The following SMARCC1 variants were observed in gnomAD, a reference collection of about 807,000 sequenced individuals.
SMARCC1 encodes SWI/SNF related BAF chromatin remodeling complex subunit C1.
A neutral mutation model predicts 147.4 loss-of-function variants in SMARCC1; 43 were observed. The ratio of observed to expected loss-of-function variants is 0.29; its 90% CI spans 0.23 to 0.38. SMARCC1 has a LOEUF of 0.38. SMARCC1 is among the 10% of genes least tolerant of loss of function. The probability of loss-of-function intolerance (pLI) is 1.00; values close to 1 mark genes in which losing one functional copy is unlikely to be tolerated. For synonymous variants in SMARCC1, 495 were observed against 484.4 expected, an observed-to-expected ratio of 1.02 and a Z score of -0.29; for missense variants, 1,119 against 1,381.1, an observed-to-expected ratio of 0.81 and a Z score of 3.01.
At chr3:47,635,138 A>G (rs2032951100) in intron 24 of SMARCC1, 52 bp downstream of exon 24, 1 of 1,514,180 alleles carries the variant, frequency 6.6e-7, no homozygotes, top group Admixed American at 1.9e-5. Context: ...TAAAAACAAT[A>G]CGACCATTCA....
intron 2 of SMARCC1, among the ~76,000 whole-genome samples, chr3:47,755,549 A>C (rs2034686139): frequency 6.6e-6 from 1 of 151,346 alleles, no homozygotes; most frequent in African/African-American, 2.4e-5. Context: ...TAAAAAAAAA[A>C]AGAATTATAA....
At chr3:47,762,632 T>C (rs929428117) in intron 2 of SMARCC1, among the ~76,000 whole-genome samples, 3 of 152,200 alleles carry the variant, frequency 2.0e-5, no homozygotes, top group African/African-American at 2.4e-5. Flanking sequence ...TTAGAAAATG[T>C]TGAATGAGGC....
At chr3:47,598,949 G>C (rs1024911492) in intron 26 of SMARCC1, among the ~76,000 whole-genome samples, 9 of 151,874 alleles carry the variant, frequency 5.9e-5, no homozygotes, top group African/African-American at 1.9e-4. Context: ...AGACGTGGCC[G>C]TAAGACAAGG....
intron 2 of SMARCC1, among the ~76,000 whole-genome samples, chr3:47,768,433 T>C (rs2034866569): frequency 6.6e-6 from 1 of 152,128 alleles, no homozygotes; most frequent in Non-Finnish European, 1.5e-5. Flanking sequence ...AATGGTTTAG[T>C]TCCCAGGAGT....
At chr3:47,633,541 C>T (rs1024699883) in intron 24 of SMARCC1, among the ~76,000 whole-genome samples, 2 of 151,282 alleles carry the variant, frequency 1.3e-5, no homozygotes, top group Non-Finnish European at 2.9e-5. Flanking sequence ...GTCAGGAGTT[C>T]AAGACCAGCC....
At chr3:47,773,770 C>CAG (rs1039455197) in intron 1 of SMARCC1, among the ~76,000 whole-genome samples, 7 of 151,890 alleles carry the variant, frequency 4.6e-5, no homozygotes, top group African/African-American at 1.7e-4. Flanking sequence ...GCTGGGACTA[C>CAG]AGGCGCGCAA....
chr3:47,633,777 TATACACACACACACACACACACAC>T (rs1389953968), intron 24 of SMARCC1, among the ~76,000 whole-genome samples: 14 of 46,518 alleles, frequency 3.0e-4, no homozygotes, highest in Admixed American at 1.0e-3. Flanking sequence ...TATATATATA[TATACACACACACACACACACACAC>T]ACACACACAC....
intron 1 of SMARCC1, among the ~76,000 whole-genome samples, chr3:47,775,125 A>G (rs2034958978): frequency 1.3e-5 from 2 of 151,444 alleles, no homozygotes; most frequent in South Asian, 4.2e-4. Context: ...TCAAGTGAAA[A>G]TTTGAAGTCA....
At chr3:47,731,182 C>T (rs537057345) in intron 5 of SMARCC1, among the ~76,000 whole-genome samples, 1 of 152,294 alleles carries the variant, frequency 6.6e-6, no homozygotes, top group Non-Finnish European at 1.5e-5. Context: ...CTCATTTCAA[C>T]GTTAACAGCG....
intron 2 of SMARCC1, among the ~76,000 whole-genome samples, chr3:47,767,245 C>CT (rs1354572113): frequency 4.3e-4 from 52 of 120,920 alleles, no homozygotes; most frequent in East Asian, 2.3e-3. Flanking sequence ...TCCTTTTTCT[C>CT]TTTTTTTTTT....
chr3:47,653,895 G>A (rs1236697121), intron 21 of SMARCC1, among the ~76,000 whole-genome samples: 1 of 152,156 alleles, frequency 6.6e-6, no homozygotes, highest in Non-Finnish European at 1.5e-5. Context: ...TCAAAGGTCA[G>A]CCCTTGTAGT....
At chr3:47,689,027 T>TA (rs916041100) in intron 13 of SMARCC1, among the ~76,000 whole-genome samples, 2 of 151,654 alleles carry the variant, frequency 1.3e-5, no homozygotes, top group African/African-American at 4.8e-5. Context: ...CTGGGCAACA[T>TA]AAAAAACTCC....
In SMARCC1 at chr3:47,736,016, A is replaced by G. The variant is rs1359995367; in HGVS notation, c.576+18T>C. The G allele has an allele frequency of 8.3e-7, 1 of 1,207,762 alleles. No individual in the cohort carries two copies. Among genetic ancestry groups the G allele is most frequent in the South Asian group, 1.4e-5 (1 of 72,856 alleles). The allele number at this position is 1,207,762 out of a possible 1,614,324, so 74.8% of individuals were successfully genotyped here. A position where few individuals can be genotyped will look rare whatever the true frequency, so the allele number is the denominator to read the frequency against. The stretch of plus-strand genomic sequence containing the variant: ...AGTGATCGTGTCTATTATTATCTGA[A>G]GTGATTGTGTCTATTACCTGATGTC... On this transcript the variant is annotated intron_variant, in intron 5 of 27. Transcript: ENST00000254480.
chr3:47,656,030 C>T (rs1472854047), intron 21 of SMARCC1, among the ~76,000 whole-genome samples: 4 of 151,952 alleles, frequency 2.6e-5, no homozygotes, highest in Non-Finnish European at 5.9e-5. Flanking sequence ...GGCCAATATG[C>T]TAAATTCCCA....
intron 25 of SMARCC1, among the ~76,000 whole-genome samples, chr3:47,616,380 G>C (rs1393454850): frequency 6.6e-6 from 1 of 151,898 alleles, no homozygotes; most frequent in Non-Finnish European, 1.5e-5. Context: ...TAATATTAAT[G>C]CTTTAAAATA....
chr3:47,717,769 G>A (rs1246249936), intron 7 of SMARCC1, among the ~76,000 whole-genome samples: 2 of 151,892 alleles, frequency 1.3e-5, no homozygotes, highest in Admixed American at 6.6e-5. Flanking sequence ...GTTTCACCAC[G>A]TTGCCCAAGG....
At position 47,653,750 on chromosome 3, in the gene SMARCC1, G is replaced by T. The variant is rs377464559; in HGVS notation, c.2320+7544C>A. The stretch of plus-strand genomic sequence containing the variant: ...ACTCATTTGAAATATTTATGTTATG[G>T]TCTGTTTTCCTTACCCTTATTATAA... On this transcript the variant is annotated intron_variant, in intron 21 of 27. Coordinates refer to ENST00000254480, the MANE Select transcript of SMARCC1 (RefSeq NM_003074.4). 9.7e-4 allele frequency among the ~76,000 whole-genome samples: 147 copies of T among 152,226 alleles called. No individual in the cohort carries two copies. The South Asian group carries it at 0.028, about 29-fold the overall frequency.
intron 18 of SMARCC1, among the ~76,000 whole-genome samples, chr3:47,674,543 GC>G (rs1369025378): frequency 3.3e-5 from 5 of 151,858 alleles, no homozygotes; most frequent in African/African-American, 1.2e-4. Context: ...CTCTACCCTC[GC>G]CCCCACCCTC....
At position 47,730,315 on chromosome 3, in the gene SMARCC1, T is replaced by C. The variant is rs1371278640; in HGVS notation, c.577-1221A>G. On this transcript the variant is annotated intron_variant, in intron 5 of 27. Coordinates refer to ENST00000254480, the MANE Select transcript of SMARCC1 (RefSeq NM_003074.4). The stretch of plus-strand genomic sequence containing the variant: ...CTAGTCTGGGCAACACAGTGAGACC[T>C]TGTCTCAAATTAAAAAAGAAATTAG... Among the ~76,000 whole-genome samples the C allele has an allele frequency of 3.3e-5, 5 of 152,278 alleles. No individual in the cohort carries two copies. In the East Asian group the frequency reaches 9.6e-4, roughly 29 times the overall value.
Sources: allele counts gnomAD v4.1 joint callset (sites outside exome capture counted in the v4.1 genomes callset), GRCh38; gene constraint gnomAD v4.1.1; transcripts MANE v1.5; gene names NCBI Gene and HGNC (gene_info 2026-07-23, HGNC 2026-07-21).